Variants in WDR41 observed in about 807,000 individuals in gnomAD.
The protein encoded by WDR41 is WD repeat domain 41.
In WDR41, 63 loss-of-function variants were observed where a neutral mutation model predicts 69.3. The ratio of observed to expected loss-of-function variants is 0.91; its 90% CI spans 0.74 to 1.12. The LOEUF is 1.12. Ranked by LOEUF, WDR41 falls within the 50% of genes most tolerant of loss-of-function variation. The probability of loss-of-function intolerance (pLI) is 0.00; values close to 1 mark genes in which losing one functional copy is unlikely to be tolerated. For synonymous variants in WDR41, 185 were observed against 192.1 expected (o/e 0.96, Z 0.31); for missense variants, 543 against 534.5 (o/e 1.02, Z -0.16).
At chr5:77,451,977 T>C (rs1799642804) in intron 6 of WDR41, 1 of 150,268 alleles carries the variant, frequency 6.7e-6, no homozygotes, top group African/African-American at 2.5e-5. Context: ...TCTGTCAGTA[T>C]GAATAAAAGA....
At chr5:77,450,774 T>A (rs1394044839) in intron 7 of WDR41, among the ~76,000 whole-genome samples, 4 of 152,216 alleles carry the variant, frequency 2.6e-5, no homozygotes. Flanking sequence ...TCTGAGATCA[T>A]GTCCTTTTCA....
At chr5:77,618,401 C>G (rs976908835) in intron 1 of WDR41, among the ~76,000 whole-genome samples, 6 of 151,500 alleles carry the variant, frequency 4.0e-5, no homozygotes, top group Non-Finnish European at 5.9e-5. Context: ...GAGATGGAGT[C>G]TCACTTTGTC....
chr5:77,447,685 G>A (rs998654215), intron 8 of WDR41, among the ~76,000 whole-genome samples: 3 of 152,070 alleles, frequency 2.0e-5, no homozygotes, highest in African/African-American at 7.2e-5. Context: ...ATCAAATGCC[G>A]CATATTCTCA....
chr5:77,565,996 C>T (rs1743620665), intron 1 of WDR41, among the ~76,000 whole-genome samples: 1 of 152,116 alleles, frequency 6.6e-6, no homozygotes. Flanking sequence ...ATTCTCATAA[C>T]AACCCTATGA....
chr5:77,441,208 G>T (rs1286653411), intron 8 of WDR41, among the ~76,000 whole-genome samples: 1 of 152,070 alleles, frequency 6.6e-6, no homozygotes, highest in East Asian at 1.9e-4. Flanking sequence ...AATAATGATT[G>T]CATTTCATTT....
intron 1 of WDR41, among the ~76,000 whole-genome samples, chr5:77,616,338 A>G (rs1436118805): frequency 6.6e-6 from 1 of 152,214 alleles, no homozygotes; most frequent in South Asian, 2.1e-4. Context: ...CTTTGTGCAC[A>G]TGGAAAGCCT....
At chr5:77,453,965 A>T in intron 5 of WDR41, 37 bp from the exon 6 acceptor site, 1 of 1,503,808 alleles carries the variant, frequency 6.6e-7, no homozygotes, top group Non-Finnish European at 9.3e-7. Context: ...CAGGTTAGAA[A>T]CTTAAGCAGT....
intron 7 of WDR41, among the ~76,000 whole-genome samples, chr5:77,450,110 A>T (rs1391142828): frequency 6.6e-6 from 1 of 152,136 alleles, no homozygotes; most frequent in Non-Finnish European, 1.5e-5. Context: ...TCCTTTACTG[A>T]CTTTTCCAAA....
intron 2 of WDR41, among the ~76,000 whole-genome samples, chr5:77,483,200 C>T (rs1039031745): frequency 3.9e-5 from 6 of 152,122 alleles, no homozygotes; most frequent in African/African-American, 1.4e-4. Flanking sequence ...TCAGTGGCCC[C>T]GATCACAGCT....
intron 3 of WDR41, among the ~76,000 whole-genome samples, chr5:77,464,080 A>G (rs1461152755): frequency 6.6e-6 from 1 of 152,124 alleles, no homozygotes; most frequent in Non-Finnish European, 1.5e-5. Flanking sequence ...TAAGTCAAAC[A>G]TGAGAAAAAT....
At chr5:77,530,798 A>G (rs1179352057) in intron 1 of WDR41, among the ~76,000 whole-genome samples, 1 of 151,846 alleles carries the variant, frequency 6.6e-6, no homozygotes, top group East Asian at 1.9e-4. Context: ...AATGATATGT[A>G]TGCTGAAAAA....
chr5:77,614,827 G>T (rs958635558), intron 1 of WDR41, among the ~76,000 whole-genome samples: 5 of 151,830 alleles, frequency 3.3e-5, no homozygotes, highest in Non-Finnish European at 5.9e-5. Flanking sequence ...AAGAAATGTG[G>T]AGGAGAAGGG....
intron 1 of WDR41, among the ~76,000 whole-genome samples, chr5:77,613,298 A>C (rs1031194995): frequency 7.9e-5 from 12 of 152,182 alleles, no homozygotes; most frequent in Admixed American, 3.3e-4. Flanking sequence ...AAACTACTTT[A>C]AAGTTCATAT....
At chr5:77,523,583 A>AT (rs565624935) in intron 1 of WDR41, among the ~76,000 whole-genome samples, 80 of 147,082 alleles carry the variant, frequency 5.4e-4, no homozygotes, top group African/African-American at 3.0e-4. Flanking sequence ...TCAGTGCTTA[A>AT]TTTTTTTTTT....
chr5:77,469,728 A>AG (rs1800482107), intron 2 of WDR41, among the ~76,000 whole-genome samples: 2 of 118,326 alleles, frequency 1.7e-5, no homozygotes, highest in Non-Finnish European at 3.3e-5. Flanking sequence ...AGAAATTTAG[A>AG]GAAAAAAAGG....
At chr5:77,491,415 G>A (rs1340226248) in intron 1 of WDR41, 2 of 154,566 alleles carry the variant, frequency 1.3e-5, no homozygotes, top group Non-Finnish European at 2.9e-5. Context: ...CTCACACAAA[G>A]CCTGTTTGGT....
At chr5:77,490,595 A>G (rs1801730710) in intron 1 of WDR41, among the ~76,000 whole-genome samples, 1 of 151,978 alleles carries the variant, frequency 6.6e-6, no homozygotes, top group Admixed American at 6.6e-5. Context: ...TGTTTTCCAA[A>G]AAAAAAACCA....
intron 1 of WDR41, among the ~76,000 whole-genome samples, chr5:77,539,631 G>A (rs1371209752): frequency 6.6e-6 from 1 of 151,944 alleles, no homozygotes; most frequent in African/African-American, 2.4e-5. Context: ...GCTGCATGTG[G>A]CTGAGGACAA....
intron 2 of WDR41, among the ~76,000 whole-genome samples, chr5:77,483,854 C>G (rs1220799361): frequency 1.4e-4 from 21 of 152,100 alleles, no homozygotes; most frequent in Admixed American, 1.4e-3. Flanking sequence ...GGTGAGTTCT[C>G]TTTTTTAAGT....
Sources: gnomAD v4.1 joint callset for allele counts (sites outside exome capture counted in the v4.1 genomes callset) on GRCh38, gnomAD v4.1.1 for gene constraint, MANE v1.5 for transcripts, NCBI Gene and HGNC (gene_info 2026-07-23, HGNC 2026-07-21) for gene names.